The following ERG variants were observed in gnomAD, a reference collection of about 807,000 sequenced individuals.
The protein encoded by ERG is transcriptional regulator ERG.
A neutral mutation model predicts 55.3 loss-of-function variants in ERG; 9 were observed. The ratio of observed to expected loss-of-function variants is 0.16; its 90% confidence interval spans 0.10 to 0.28. The LOEUF is 0.28. ERG is among the 10% of genes least tolerant of loss of function. The probability of loss-of-function intolerance (pLI) is 1.00; values close to 1 mark genes in which losing one functional copy is unlikely to be tolerated. For synonymous variants in ERG, 223 were observed against 237.3 expected (o/e 0.94, Z 0.55); for missense variants, 434 against 631.6 (o/e 0.69, Z 3.35).
chr21:38,614,458 C>T (rs901643306), intron 1 of ERG, among the ~76,000 whole-genome samples: 2 of 152,110 alleles, frequency 1.3e-5, no homozygotes, highest in African/African-American at 4.8e-5. Context: ...CCCTGCTCTT[C>T]CTCTTAGGGA....
chr21:38,626,368 A>G (rs2060324887), intron 1 of ERG, among the ~76,000 whole-genome samples: 1 of 152,236 alleles, frequency 6.6e-6, no homozygotes. Context: ...TTGACTGACC[A>G]TGATGAGAGA....
At chr21:38,388,272 T>G (rs1987799398) in intron 9 of ERG, among the ~76,000 whole-genome samples, 1 of 152,196 alleles carries the variant, frequency 6.6e-6, no homozygotes, top group South Asian at 2.1e-4. Context: ...GCTGTGTTGC[T>G]TATAACCGAT....
At chr21:38,486,108 T>C (rs148533910) in intron 1 of ERG, among the ~76,000 whole-genome samples, 2,509 of 151,712 alleles carry the variant, frequency 0.017, 66 homozygotes, top group African/African-American at 0.057. Flanking sequence ...TAATTTTTTA[T>C]ATTTTTAGTA....
intron 2 of ERG, among the ~76,000 whole-genome samples, chr21:38,556,581 C>T (rs1394013984): frequency 6.6e-6 from 1 of 152,080 alleles, no homozygotes; most frequent in Non-Finnish European, 1.5e-5. Flanking sequence ...TTACCAGCCT[C>T]CTTTGCAGCC....
chr21:38,541,388 C>T (rs932798061), intron 2 of ERG, among the ~76,000 whole-genome samples: 2 of 152,162 alleles, frequency 1.3e-5, no homozygotes, highest in Non-Finnish European at 2.9e-5. Context: ...CTAAGAACTG[C>T]TTTGTCTCCC....
chr21:38,586,632 A>G (rs1038129533), upstream of ERG, among the ~76,000 whole-genome samples: 3 of 152,198 alleles, frequency 2.0e-5, no homozygotes, highest in Non-Finnish European at 4.4e-5. Context: ...AGATCAGTAC[A>G]GTCATTATGG....
intron 2 of ERG, among the ~76,000 whole-genome samples, chr21:38,539,527 CATATAA>C (rs1230362035): frequency 1.3e-5 from 2 of 152,082 alleles, no homozygotes; most frequent in South Asian, 2.1e-4. Context: ...CTGTTCTAGA[CATATAA>C]ATATAACTTT....
intron 1 of ERG, among the ~76,000 whole-genome samples, chr21:38,650,569 G>A (rs964471019): frequency 2.0e-5 from 3 of 152,028 alleles, no homozygotes; most frequent in Non-Finnish European, 1.5e-5. Flanking sequence ...CCCAGGAGGC[G>A]GACGTTGCAG....
chr21:38,408,533 C>T (rs550282779), intron 3 of ERG, among the ~76,000 whole-genome samples: 15 of 152,298 alleles, frequency 9.8e-5, no homozygotes, highest in Admixed American at 3.3e-4. Flanking sequence ...CACTGAACTC[C>T]ACCTCCACTA....
At chr21:38,600,339 C>T (rs981564506) in intron 1 of ERG, among the ~76,000 whole-genome samples, 7 of 152,166 alleles carry the variant, frequency 4.6e-5, no homozygotes, top group Non-Finnish European at 7.3e-5. Context: ...TCCAGCTCTA[C>T]GTAGATTTCT....
At chr21:38,388,789 C>T (rs2836356) in intron 9 of ERG, among the ~76,000 whole-genome samples, 76,526 of 151,978 alleles carry the variant, frequency 0.5, 19,385 homozygotes, top group East Asian at 0.56. Context: ...GATGAGTTTC[C>T]GGTCTCCTTG....
chr21:38,391,596 T>C (rs2146428355), intron 8 of ERG, 63 bp downstream of exon 8: 6 of 1,329,574 alleles, frequency 4.5e-6, no homozygotes, highest in Non-Finnish European at 6.4e-6. Context: ...TGAAGCATTT[T>C]AGAAATGTGC....
chr21:38,516,828 C>T (rs773327592), intron 2 of ERG, among the ~76,000 whole-genome samples: 12 of 151,848 alleles, frequency 7.9e-5, no homozygotes, highest in Non-Finnish European at 1.0e-4. Context: ...CACAGCCAAC[C>T]GACTTTCAAC....
chr21:38,594,901 A>G (rs1372314371), intron 1 of ERG, among the ~76,000 whole-genome samples: 2 of 152,192 alleles, frequency 1.3e-5, no homozygotes, highest in African/African-American at 2.4e-5. Context: ...CATCTTGGCC[A>G]TCTCCTGAGA....
intron 1 of ERG, among the ~76,000 whole-genome samples, chr21:38,493,656 C>A (rs945967135): frequency 6.6e-6 from 1 of 152,198 alleles, no homozygotes; most frequent in Non-Finnish European, 1.5e-5. Flanking sequence ...GGCCTCTGCC[C>A]TCCTCCAGCA....
intron 1 of ERG, among the ~76,000 whole-genome samples, chr21:38,609,819 T>C (rs2060215712): frequency 6.6e-6 from 1 of 152,168 alleles, no homozygotes; most frequent in Admixed American, 6.5e-5. Context: ...AAGAAAAGGA[T>C]CAAATGAATC....
At chr21:38,592,558 T>A (rs1464984582) in intron 1 of ERG, among the ~76,000 whole-genome samples, 1 of 138,342 alleles carries the variant, frequency 7.2e-6, no homozygotes, top group Non-Finnish European at 1.6e-5. Context: ...CTGCTTATTG[T>A]CATCTCCCTT....
intron 1 of ERG, among the ~76,000 whole-genome samples, chr21:38,623,452 A>G (rs921112983): frequency 2.0e-5 from 3 of 152,254 alleles, no homozygotes; most frequent in Non-Finnish European, 2.9e-5. Flanking sequence ...AACATGGAGC[A>G]GACTGGCCAA....
chr21:38,571,004 A>G (rs1287570788), intron 2 of ERG, among the ~76,000 whole-genome samples: 2 of 152,250 alleles, frequency 1.3e-5, no homozygotes, highest in Non-Finnish European at 2.9e-5. Flanking sequence ...TAGGAAATGC[A>G]ATCATGTGAA....
Sources: gnomAD v4.1 joint callset for allele counts (sites outside exome capture counted in the v4.1 genomes callset) on GRCh38, gnomAD v4.1.1 for gene constraint, MANE v1.5 for transcripts, NCBI Gene and HGNC (gene_info 2026-07-23, HGNC 2026-07-21) for gene names.